USP32: variants seen among roughly 807,000 people sequenced by gnomAD.
USP32 encodes ubiquitin carboxyl-terminal hydrolase 32.
A neutral mutation model predicts 204.8 loss-of-function variants in USP32; 59 were observed. The observed-to-expected ratio is 0.29, with a 90% confidence interval of 0.23 to 0.36. The LOEUF (loss-of-function observed/expected upper bound fraction) is 0.36. USP32 is among the 10% of genes least tolerant of loss of function. The pLI is 1.00. For synonymous variants in USP32, 517 were observed against 678.4 expected (o/e 0.76, Z 3.70); for missense variants, 1,160 against 1,946.4 (o/e 0.60, Z 7.60).
chr17:60,214,976 T>C (rs1007109293), intron 16 of USP32, among the ~76,000 whole-genome samples: 2 of 152,148 alleles, frequency 1.3e-5, no homozygotes, highest in Non-Finnish European at 2.9e-5. Context: ...TGTTTGTTTG[T>C]TTGTTTTTAA....
intron 1 of USP32, among the ~76,000 whole-genome samples, chr17:60,389,644 T>G (rs1317946496): frequency 6.6e-6 from 1 of 151,956 alleles, no homozygotes; most frequent in Non-Finnish European, 1.5e-5. Context: ...GGGCTTCTGG[T>G]TTACATTTAG....
In USP32 at chr17:60,219,674, A is replaced by G. The variant is rs148987140; in HGVS notation, c.1863T>C (p.Asn621=). 4 of 1,604,542 alleles carry G rather than the reference A, an allele frequency of 2.5e-6. No homozygotes were observed. In the African/African-American group the frequency reaches 5.6e-5, roughly 22 times the overall value. ...ACATTCTCAGGCTCATCATACCCAT[A>G]TTCACCCAGATGTTAGACTGCTGTG... ...TRTQQSNIWV[N]MGNVPSPNAP... The change falls in exon 16 of 34, where the codon AAT becomes AAC. Residue 621 remains asparagine (N), a synonymous_variant. Transcript: ENST00000300896.
intron 28 of USP32, 22 bp from the exon 29 acceptor site, chr17:60,190,705 A>G (rs1271612534): frequency 3.2e-6 from 5 of 1,580,310 alleles, no homozygotes; most frequent in Non-Finnish European, 4.3e-6. Context: ...GAAAAGATCC[A>G]CAGAGGAAGA....
intron 11 of USP32, among the ~76,000 whole-genome samples, chr17:60,246,456 A>T (rs1339197269): frequency 6.6e-6 from 1 of 151,288 alleles, no homozygotes; most frequent in Non-Finnish European, 1.5e-5. Context: ...ATGGACACTT[A>T]AGTTGATTCT....
At chr17:60,346,003 G>GA (rs1226292589) in intron 1 of USP32, among the ~76,000 whole-genome samples, 7 of 148,168 alleles carry the variant, frequency 4.7e-5, no homozygotes, top group African/African-American at 1.5e-4. Flanking sequence ...TAAATAAAAA[G>GA]AAAAAAAAAG....
intron 3 of USP32, among the ~76,000 whole-genome samples, chr17:60,297,213 C>T (rs1434862703): frequency 1.3e-5 from 2 of 152,042 alleles, no homozygotes; most frequent in Non-Finnish European, 2.9e-5. Flanking sequence ...GCCTGGGCAA[C>T]ATAGCGAGAC....
intron 27 of USP32, among the ~76,000 whole-genome samples, chr17:60,196,278 GAA>G (rs35533470): frequency 7.4e-6 from 1 of 134,998 alleles, no homozygotes. Context: ...GCCAAAAAAA[GAA>G]AAAAAAAAAA....
chr17:60,400,610 T>C (rs563638101), intron 1 of USP32, among the ~76,000 whole-genome samples: 2 of 152,364 alleles, frequency 1.3e-5, no homozygotes, highest in East Asian at 3.9e-4. Flanking sequence ...TTGAGATGTC[T>C]ATTAGACATC....
intron 2 of USP32, among the ~76,000 whole-genome samples, chr17:60,317,263 C>T (rs1263709442): frequency 6.6e-6 from 1 of 152,056 alleles, no homozygotes; most frequent in Admixed American, 6.6e-5. Flanking sequence ...CCTATAACCC[C>T]AGCACTTTGG....
At chr17:60,264,932 A>T (rs1331268326) in intron 9 of USP32, among the ~76,000 whole-genome samples, 1 of 151,380 alleles carries the variant, frequency 6.6e-6, no homozygotes, top group Non-Finnish European at 1.5e-5. Flanking sequence ...AAACATTTCC[A>T]TCATCTCAGA....
intron 2 of USP32, 53 bp downstream of exon 2, chr17:60,345,428 G>A: frequency 6.3e-7 from 1 of 1,596,704 alleles, no homozygotes; most frequent in Non-Finnish European, 8.5e-7. Context: ...AGGAATTTAG[G>A]CTGGTGGAGG....
chr17:60,317,092 G>A (rs1187459344), intron 2 of USP32, among the ~76,000 whole-genome samples: 2 of 152,158 alleles, frequency 1.3e-5, no homozygotes, highest in East Asian at 3.8e-4. Flanking sequence ...TTGGTGTGAT[G>A]AAAGAAAAAT....
At chr17:60,351,575 G>A (rs1293605569) in intron 1 of USP32, among the ~76,000 whole-genome samples, 1 of 149,132 alleles carries the variant, frequency 6.7e-6, no homozygotes, top group Non-Finnish European at 1.5e-5. Context: ...GTACAGGCAC[G>A]CACCACCGTG....
chr17:60,230,135 T>G (rs763203159), intron 12 of USP32, among the ~76,000 whole-genome samples: 5 of 152,180 alleles, frequency 3.3e-5, no homozygotes, highest in Non-Finnish European at 7.3e-5. Context: ...TCTAAAAAAT[T>G]TGTAGTAATA....
intron 1 of USP32, among the ~76,000 whole-genome samples, chr17:60,349,626 A>T (rs1427698221): frequency 1.2e-3 from 93 of 76,230 alleles, no homozygotes; most frequent in East Asian, 5.6e-3. Flanking sequence ...TATATATATT[A>T]TATATATATA....
At chr17:60,212,796 C>A (rs1281392340) in intron 18 of USP32, among the ~76,000 whole-genome samples, 1 of 152,014 alleles carries the variant, frequency 6.6e-6, no homozygotes, top group Non-Finnish European at 1.5e-5. Context: ...TTTGTCCCCC[C>A]AGGTTGGAGT....
At chr17:60,328,824 G>A (rs980143996) in intron 2 of USP32, among the ~76,000 whole-genome samples, 9 of 152,210 alleles carry the variant, frequency 5.9e-5, no homozygotes, top group African/African-American at 2.2e-4. Context: ...CAGCCTTGCA[G>A]GAAGGCAACG....
At chr17:60,259,454 G>A (rs537803135) in intron 9 of USP32, among the ~76,000 whole-genome samples, 7 of 152,056 alleles carry the variant, frequency 4.6e-5, no homozygotes, top group African/African-American at 7.2e-5. Flanking sequence ...GTGTGAGCGC[G>A]CCCTTCAGTG....
At position 60,185,640 on chromosome 17, in the gene USP32, C is replaced by T; in HGVS notation, c.3654G>A (p.Glu1218=). ...GCCGACTCTGCTCCACACTCTCATG[C>T]TCATCTACAACCTGCAGGTAGAGGG... The part of the protein sequence containing the change: ...YQTSQERVVD[E]HESVEQSRRA... Residue 1218 remains glutamate, a synonymous_variant, in exon 30 of 34, where the codon GAG becomes GAA. Coordinates refer to ENST00000300896, the MANE Select transcript of USP32 (RefSeq NM_032582.4). 1.2e-6 allele frequency: 2 copies of T among 1,610,828 alleles called. No homozygotes were observed. Among genetic ancestry groups the T allele is most frequent in the Non-Finnish European group, 1.7e-6 (2 of 1,178,888 alleles).
Sources: gnomAD v4.1 joint callset for allele counts (sites outside exome capture counted in the v4.1 genomes callset) on GRCh38, gnomAD v4.1.1 for gene constraint, MANE v1.5 for transcripts, NCBI Gene and HGNC (gene_info 2026-07-23, HGNC 2026-07-21) for gene names.